The following CPED1 variants were observed in gnomAD, a reference collection of about 807,000 sequenced individuals.
CPED1 encodes the protein cadherin like and PC-esterase domain containing 1.
CPED1 carries 114 observed loss-of-function variants against 128.2 expected under a neutral mutation model. The ratio of observed to expected loss-of-function variants is 0.89; its 90% CI spans 0.76 to 1.04. The LOEUF is 1.04. Among genes scored for constraint, CPED1 ranks in the 50% least tolerant of loss-of-function variants. The pLI is 0.00. For synonymous variants in CPED1, 462 were observed against 426.7 expected, an observed-to-expected ratio of 1.08 and a Z score of -1.02; for missense variants, 1,211 against 1,207.1, an observed-to-expected ratio of 1.00 and a Z score of -0.05.
chr7:121,254,218 C>T (rs1021194443), intron 18 of CPED1, among the ~76,000 whole-genome samples: 2 of 151,968 alleles, frequency 1.3e-5, no homozygotes, highest in African/African-American at 4.8e-5. Context: ...CATTCTCACA[C>T]CACAGTACAA....
At chr7:121,293,212 C>T (rs1220076640) in intron 22 of CPED1, among the ~76,000 whole-genome samples, 2 of 152,142 alleles carry the variant, frequency 1.3e-5, no homozygotes, top group Admixed American at 6.5e-5. Context: ...TTCAGAGATG[C>T]CCCGCCCAGA....
intron 3 of CPED1, among the ~76,000 whole-genome samples, chr7:121,038,997 A>G (rs1792975491): frequency 6.6e-6 from 1 of 152,056 alleles, no homozygotes; most frequent in African/African-American, 2.4e-5. Context: ...TTTTTCCACT[A>G]CAAAGTTATT....
intron 3 of CPED1, among the ~76,000 whole-genome samples, chr7:121,034,411 C>T (rs1792831023): frequency 6.6e-6 from 1 of 151,922 alleles, no homozygotes; most frequent in African/African-American, 2.4e-5. Context: ...CCATGCCCAG[C>T]TATTTTTTAT....
intron 22 of CPED1, among the ~76,000 whole-genome samples, chr7:121,286,132 G>T (rs1792566315): frequency 6.6e-6 from 1 of 152,156 alleles, no homozygotes. Flanking sequence ...TGGTGAAGCA[G>T]GGGAAAGCTC....
intron 7 of CPED1, among the ~76,000 whole-genome samples, chr7:121,107,991 G>A (rs1397590768): frequency 6.6e-6 from 1 of 152,024 alleles, no homozygotes; most frequent in East Asian, 1.9e-4. Context: ...ATGAAATACA[G>A]CCTTTTTCCT....
chr7:121,081,590 G>A (rs893842006), intron 5 of CPED1, among the ~76,000 whole-genome samples: 5 of 152,118 alleles, frequency 3.3e-5, no homozygotes, highest in African/African-American at 1.2e-4. Flanking sequence ...GAGCAGCTGT[G>A]CAATCCCAGT....
chr7:121,147,026 A>G (rs1796038279), intron 16 of CPED1, among the ~76,000 whole-genome samples: 1 of 152,044 alleles, frequency 6.6e-6, no homozygotes, highest in African/African-American at 2.4e-5. Context: ...CCCCTCCCCA[A>G]GATGTGTCAA....
intron 16 of CPED1, among the ~76,000 whole-genome samples, chr7:121,176,036 G>T (rs576497066): frequency 6.6e-6 from 1 of 151,788 alleles, no homozygotes; most frequent in African/African-American, 2.4e-5. Context: ...AATGTATACC[G>T]CTTGGTGATT....
intron 5 of CPED1, among the ~76,000 whole-genome samples, chr7:121,085,788 G>A (rs940266128): frequency 6.6e-6 from 1 of 152,040 alleles, no homozygotes; most frequent in African/African-American, 2.4e-5. Flanking sequence ...TTGACGATAG[G>A]GTTTAAAAGA....
intron 3 of CPED1, among the ~76,000 whole-genome samples, chr7:121,038,285 G>A (rs1045856571): frequency 2.6e-5 from 4 of 151,992 alleles, no homozygotes; most frequent in African/African-American, 9.7e-5. Flanking sequence ...GCTGTAGACG[G>A]CTTTTAGTAC....
At chr7:121,055,965 G>A (rs4730991) in intron 4 of CPED1, among the ~76,000 whole-genome samples, 99,808 of 151,844 alleles carry the variant, frequency 0.66, 35,522 homozygotes, top group Admixed American at 0.8. Context: ...TTTCTGGTCA[G>A]AGGATTGAAC....
At chr7:121,225,284 G>T (rs1454374515) in intron 16 of CPED1, among the ~76,000 whole-genome samples, 2 of 152,114 alleles carry the variant, frequency 1.3e-5, no homozygotes, top group Admixed American at 1.3e-4. Flanking sequence ...TTTTCTTTAA[G>T]AATGTTGAAT....
At chr7:121,159,036 T>G (rs1184190127) in intron 16 of CPED1, among the ~76,000 whole-genome samples, 1 of 152,128 alleles carries the variant, frequency 6.6e-6, no homozygotes, top group Non-Finnish European at 1.5e-5. Context: ...CCCCGAAATA[T>G]ATTTCGTTAC....
At chr7:121,012,284 C>A (rs550357306) in intron 2 of CPED1, among the ~76,000 whole-genome samples, 7 of 152,266 alleles carry the variant, frequency 4.6e-5, no homozygotes, top group African/African-American at 1.4e-4. Flanking sequence ...TATAAAACAA[C>A]TTTTATGTAG....
Position 120,989,376 on chromosome 7 carries a change from T to C in CPED1, c.-231-15T>C, listed in dbSNP as rs1213772505. 3.0e-5 allele frequency: 15 copies of C among 493,978 alleles called. No individual in the cohort carries two copies. The highest frequency in any genetic ancestry group is 5.5e-5 in the Non-Finnish European group (15 of 273,936). The allele number at this position is 493,978 out of a possible 1,614,324, so 30.6% of individuals were successfully genotyped here. A position where few individuals can be genotyped will look rare whatever the true frequency, so the allele number is the denominator to read the frequency against. On this transcript the variant is annotated splice_polypyrimidine_tract_variant and intron_variant, in intron 1 of 22. Transcript: ENST00000310396. ...GTTACAACTATTATTATTTGATGTC[T>C]TTTTTTAAACTCAGGTCATCCACTT... is the stretch of plus-strand genomic sequence containing the variant.
chr7:121,066,230 T>C (rs1203955914), intron 5 of CPED1, among the ~76,000 whole-genome samples: 1 of 152,114 alleles, frequency 6.6e-6, no homozygotes. Flanking sequence ...TAAGCTGTGT[T>C]TCATTTGGAG....
chr7:121,030,173 C>A (rs1420130428), intron 3 of CPED1, among the ~76,000 whole-genome samples: 1 of 152,064 alleles, frequency 6.6e-6, no homozygotes, highest in African/African-American at 2.4e-5. Flanking sequence ...ACACGATAGA[C>A]ACACACATTT....
At chr7:121,270,178 G>A (rs118025539) in intron 21 of CPED1, among the ~76,000 whole-genome samples, 8,434 of 152,078 alleles carry the variant, frequency 0.055, 352 homozygotes, top group Non-Finnish European at 0.074. Flanking sequence ...AGATTTGGAG[G>A]GGACAAATAT....
chr7:121,006,973 G>A (rs1792032204), intron 2 of CPED1, among the ~76,000 whole-genome samples: 1 of 152,128 alleles, frequency 6.6e-6, no homozygotes, highest in Non-Finnish European at 1.5e-5. Flanking sequence ...TCCAGGGGAG[G>A]TGGAGGCTGG....
Sources: allele counts gnomAD v4.1 joint callset (sites outside exome capture counted in the v4.1 genomes callset), GRCh38; gene constraint gnomAD v4.1.1; transcripts MANE v1.5; gene names NCBI Gene and HGNC (gene_info 2026-07-23, HGNC 2026-07-21).